Variants in PDE1C observed in about 807,000 individuals in gnomAD.
PDE1C encodes the protein dual specificity calcium/calmodulin-dependent 3',5'-cyclic nucleotide phosphodiesterase 1C.
In PDE1C, 62 loss-of-function variants were observed where a neutral mutation model predicts 93.1. The ratio of observed to expected loss-of-function variants is 0.67; its 90% CI spans 0.54 to 0.82. The LOEUF (loss-of-function observed/expected upper bound fraction) is 0.82. PDE1C is among the 40% of genes least tolerant of loss of function. The pLI, the probability that PDE1C is intolerant of heterozygous loss-of-function variation, is 0.00. For synonymous variants in PDE1C, 325 were observed against 310.1 expected, an observed-to-expected ratio of 1.05 and a Z score of -0.50; for missense variants, 742 against 884.6, an observed-to-expected ratio of 0.84 and a Z score of 2.04.
chr7:31,652,159 C>A, the PDE1C span: 1 of 839,328 alleles, frequency 1.2e-6, no homozygotes, highest in Non-Finnish European at 1.9e-6. Flanking sequence ...GTTTACATGC[C>A]AACACCTTCA....
intron 1 of PDE1C, among the ~76,000 whole-genome samples, chr7:32,270,462 C>A (rs2128885946): frequency 6.6e-6 from 1 of 152,244 alleles, no homozygotes; most frequent in South Asian, 2.1e-4. Context: ...CTCAGGAAGT[C>A]AAGCTAATTT....
chr7:31,852,556 G>A (rs766476562), intron 7 of PDE1C, among the ~76,000 whole-genome samples: 1 of 152,142 alleles, frequency 6.6e-6, no homozygotes, highest in Non-Finnish European at 1.5e-5. Flanking sequence ...ACTATGCTAG[G>A]TGCTTTTATA....
intron 11 of PDE1C, among the ~76,000 whole-genome samples, chr7:31,832,406 G>A (rs1002543657): frequency 6.6e-6 from 1 of 152,122 alleles, no homozygotes; most frequent in African/African-American, 2.4e-5. Flanking sequence ...GTAAATTATG[G>A]TTATAAAACT....
chr7:31,684,529 A>G, the PDE1C span, among the ~76,000 whole-genome samples: 3 of 152,214 alleles, frequency 2.0e-5, no homozygotes, highest in Non-Finnish European at 2.9e-5. Flanking sequence ...CTAATAAAGA[A>G]CTAGTATCTG....
At chr7:32,423,170 T>C (rs1785465785) in intron 1 of PDE1C, among the ~76,000 whole-genome samples, 1 of 152,072 alleles carries the variant, frequency 6.6e-6, no homozygotes, top group South Asian at 2.1e-4. Context: ...AACCCAAAAG[T>C]TCAGGACCAG....
chr7:31,802,374 T>A (rs1399515719), intron 16 of PDE1C, among the ~76,000 whole-genome samples: 2 of 151,682 alleles, frequency 1.3e-5, no homozygotes, highest in Non-Finnish European at 3.0e-5. Flanking sequence ...GACTTTTTGC[T>A]ACTGTAGTCA....
intron 1 of PDE1C, among the ~76,000 whole-genome samples, chr7:32,064,718 A>G (rs1795181439): frequency 6.6e-6 from 1 of 152,218 alleles, no homozygotes; most frequent in Non-Finnish European, 1.5e-5. Context: ...AAGATATGAA[A>G]GAACACCTAG....
chr7:32,301,856 A>G (rs1479851414), upstream of PDE1C, among the ~76,000 whole-genome samples: 1 of 152,244 alleles, frequency 6.6e-6, no homozygotes, highest in Non-Finnish European at 1.5e-5. Context: ...TCTGCAGATG[A>G]AATCTGGCCC....
At chr7:32,379,761 C>A (rs946527182) in intron 1 of PDE1C, among the ~76,000 whole-genome samples, 2 of 152,212 alleles carry the variant, frequency 1.3e-5, no homozygotes, top group Admixed American at 6.5e-5. Context: ...ATAAGTTCAT[C>A]AAATTCACTC....
Position 31,823,331 on chromosome 7 carries a change from G to T in PDE1C, c.1407-83C>A. ...AATGAGCAAGCCCAGAGGAGGAATG[G>T]TTAGCACTCCTAAAGTTATTGCTGT... On this transcript the variant is annotated intron_variant, in intron 13 of 17. Coordinates refer to ENST00000396191, the MANE Select transcript of PDE1C (RefSeq NM_001191057.4). The T allele has an allele frequency of 1.1e-5, 12 of 1,082,876 alleles. No homozygotes were observed. In the South Asian group the frequency reaches 1.7e-4, roughly 15 times the overall value. 67.1% of individuals were successfully genotyped at this position (1,082,876 alleles called of 1,614,324 possible). A position where few individuals can be genotyped will look rare whatever the true frequency, so the allele number is the denominator to read the frequency against.
At chr7:31,651,355 C>A in the PDE1C span, 1 of 1,447,588 alleles carries the variant, frequency 6.9e-7, no homozygotes. Context: ...AGAGGAGCAC[C>A]CTGGAGCAGA....
At chr7:31,647,729 G>A in the PDE1C span, among the ~76,000 whole-genome samples, 4 of 148,836 alleles carry the variant, frequency 2.7e-5, no homozygotes, top group South Asian at 2.2e-4. Flanking sequence ...CGACAACGAC[G>A]ACGACAATGG....
intron 12 of PDE1C, among the ~76,000 whole-genome samples, chr7:31,825,394 G>A (rs1041239485): frequency 6.6e-6 from 1 of 152,080 alleles, no homozygotes; most frequent in African/African-American, 2.4e-5. Flanking sequence ...TGACAGAGAT[G>A]GGAGGGTGTA....
At chr7:32,220,497 C>G (rs1312916142) in intron 1 of PDE1C, among the ~76,000 whole-genome samples, 1 of 152,168 alleles carries the variant, frequency 6.6e-6, no homozygotes, top group African/African-American at 2.4e-5. Context: ...CTCTACAGCT[C>G]ACACCATCAG....
At chr7:32,033,472 G>C (rs1200941948) in intron 2 of PDE1C, among the ~76,000 whole-genome samples, 1 of 151,524 alleles carries the variant, frequency 6.6e-6, no homozygotes, top group Non-Finnish European at 1.5e-5. Flanking sequence ...CAGTACCTTG[G>C]CAAAAAAACA....
intron 1 of PDE1C, among the ~76,000 whole-genome samples, chr7:32,252,642 G>A (rs1219049992): frequency 1.3e-5 from 2 of 152,206 alleles, no homozygotes; most frequent in Non-Finnish European, 2.9e-5. Context: ...CTGCAGCACA[G>A]AGGAGGGTGG....
chr7:31,694,395 C>T, the PDE1C span, among the ~76,000 whole-genome samples: 1 of 151,710 alleles, frequency 6.6e-6, no homozygotes, highest in Non-Finnish European at 1.5e-5. Context: ...CAAACACACA[C>T]ACACACACAC....
the PDE1C span, among the ~76,000 whole-genome samples, chr7:31,715,385 C>T: frequency 6.6e-6 from 1 of 152,026 alleles, no homozygotes; most frequent in Non-Finnish European, 1.5e-5. Flanking sequence ...ATTACACATG[C>T]CCAGCGCCAC....
At chr7:32,092,751 A>G (rs1176931040) in intron 3 of PDE1C, among the ~76,000 whole-genome samples, 1 of 152,240 alleles carries the variant, frequency 6.6e-6, no homozygotes, top group Non-Finnish European at 1.5e-5. Context: ...ATGGCACAAA[A>G]ACTATAGTTT....
Sources: gnomAD v4.1 joint callset for allele counts (sites outside exome capture counted in the v4.1 genomes callset) on GRCh38, gnomAD v4.1.1 for gene constraint, MANE v1.5 for transcripts, NCBI Gene and HGNC (gene_info 2026-07-23, HGNC 2026-07-21) for gene names.